NEUROD1: variants seen among roughly 807,000 people sequenced by gnomAD.
The protein encoded by NEUROD1 is neurogenic differentiation factor 1.
NEUROD1 carries 9 observed loss-of-function variants against 21.8 expected under a neutral mutation model. That is an observed-to-expected ratio of 0.41 (90% CI 0.25 to 0.72). The LOEUF is 0.72. Ranked by LOEUF, NEUROD1 falls within the 30% of genes least tolerant of loss-of-function variation. The probability of loss-of-function intolerance (pLI) is 0.31; values close to 1 mark genes in which losing one functional copy is unlikely to be tolerated. For synonymous variants in NEUROD1, 199 were observed against 186.2 expected, an observed-to-expected ratio of 1.07 and a Z score of -0.56; for missense variants, 434 against 468.8, an observed-to-expected ratio of 0.93 and a Z score of 0.69.
At chr2:181,671,871 G>A (rs1688504388), downstream of NEUROD1, among the ~76,000 whole-genome samples, 1 of 152,158 alleles carries the variant, frequency 6.6e-6, no homozygotes, top group Non-Finnish European at 1.5e-5. Context: ...GTTCTCTTAA[G>A]CATTGCAATA....
rs572569675 is a variant in NEUROD1 at position 181,678,587 on chromosome 2, T to C, written c.274A>G (p.Thr92Ala). The change falls in exon 2 of 2, where the codon ACT becomes GCT. Residue 92 changes from threonine (T) to alanine (A), a missense_variant. Thr to Ala is a moderately conservative substitution (Grantham distance 58). Coordinates refer to ENST00000295108, the MANE Select transcript of NEUROD1 (RefSeq NM_002500.5). The surrounding 1 kb of genome is among the most constrained non-coding windows in gnomAD (Gnocchi z 5.5). ...KRRGPKKKKM[T>A]KARLERFKLR... is the part of the protein sequence containing the mutation. ...TTAAAACGCTCCAGGCGAGCCTTAGTCATCTTCTTCTTTTTGGGGCCGCGT... is the reference window on the plus strand; with the variant it reads ...TTAAAACGCTCCAGGCGAGCCTTAGCCATCTTCTTCTTTTTGGGGCCGCGT... 6.2e-7 allele frequency: 1 copy of C among 1,614,054 alleles called. No homozygotes were observed. The highest frequency in any genetic ancestry group is 8.5e-7 in the Non-Finnish European group (1 of 1,179,994).
In NEUROD1 at chr2:181,677,691, T is replaced by G; in HGVS notation, c.*99A>C. The G allele has an allele frequency of 6.2e-7, 1 of 1,604,914 alleles. No homozygotes were observed. Among genetic ancestry groups the G allele is most frequent in the South Asian group, 1.1e-5 (1 of 90,136 alleles). On this transcript the variant is annotated 3_prime_UTR_variant, in exon 2 of 2. Transcript: ENST00000295108. The stretch of plus-strand genomic sequence containing the variant: ...CACTTGAAGCTTGGAGTATTTGCAC[T>G]TTGCAGCAGTAGTACCCAAAGGGCT...
chr2:181,671,035 A>ATG, exon 2 of NEUROD1, among the ~76,000 whole-genome samples: 3 of 146,712 alleles, frequency 2.0e-5, no homozygotes, highest in African/African-American at 7.3e-5. Flanking sequence ...GCACACACAC[A>ATG]CACACACACA....
chr2:181,669,657 A>G (rs1011551835), downstream of NEUROD1, among the ~76,000 whole-genome samples: 1 of 152,212 alleles, frequency 6.6e-6, no homozygotes, highest in Non-Finnish European at 1.5e-5. Context: ...AAAAAATAAA[A>G]TTTTATTCCT....
chr2:181,675,436 C>T (rs182260879), downstream of NEUROD1, among the ~76,000 whole-genome samples: 10 of 152,214 alleles, frequency 6.6e-5, no homozygotes, highest in East Asian at 1.7e-3. Flanking sequence ...CTTTCTGGAA[C>T]CCCTAAATCA....
At chr2:181,671,025 G>GCGCACA (rs1553528390) in exon 2 of NEUROD1, among the ~76,000 whole-genome samples, 12 of 146,706 alleles carry the variant, frequency 8.2e-5, no homozygotes, top group South Asian at 2.2e-4. Flanking sequence ...GCATATGTGT[G>GCGCACA]CACACACACA....
At chr2:181,679,503 T>A (rs553829052) in intron 1 of NEUROD1, among the ~76,000 whole-genome samples, 1 of 152,318 alleles carries the variant, frequency 6.6e-6, no homozygotes, top group East Asian at 1.9e-4. Flanking sequence ...GTGGACAGGG[T>A]CTTCCACCCC....
downstream of NEUROD1, among the ~76,000 whole-genome samples, chr2:181,676,282 T>C (rs1319214074): frequency 6.6e-6 from 1 of 152,212 alleles, no homozygotes; most frequent in Non-Finnish European, 1.5e-5. Context: ...GGTCTTTTCA[T>C]TATCTACATA....
chr2:181,670,711 G>T lies in NEUROD1; in HGVS notation n.3235C>A, dbSNP rs142669692. ...TGTCTCTTTCCCAGCTTCTGATGTG[G>T]GCCCCAAATCCTTGGGGCCCCTTGA... On this transcript the variant is annotated non_coding_transcript_exon_variant, in exon 2 of 2. Transcript: ENST00000496876. 9.7e-3 allele frequency among the ~76,000 whole-genome samples: 1,479 copies of T among 152,022 alleles called. 21 individuals are homozygous for T. Among genetic ancestry groups the T allele is most frequent in the African/African-American group, 0.034 (1,406 of 41,460 alleles).
In NEUROD1 at chr2:181,677,986, T is replaced by G. The variant is rs1203719590; in HGVS notation, c.875A>C (p.Glu292Ala). 1 of 1,614,054 alleles carries G rather than the reference T, an allele frequency of 6.2e-7. No individual in the cohort carries two copies. Among genetic ancestry groups the G allele is most frequent in the African/African-American group, 1.3e-5 (1 of 74,916 alleles). ...NFSFKHEPSA[E>A]FEKNYAFTMH... is the part of the protein sequence containing the mutation. The stretch of plus-strand genomic sequence containing the variant: ...GGTAAAGGCATAATTTTTCTCAAAC[T>G]CGGCGGACGGTTCGTGTTTGAAAGA... Residue 292 changes from glutamate to alanine, a missense_variant, in exon 2 of 2, where the codon GAG (glutamate) becomes GCG (alanine). Glu to Ala is a moderately radical substitution (Grantham distance 107, BLOSUM62 -1). Coordinates refer to ENST00000295108, the MANE Select transcript of NEUROD1 (RefSeq NM_002500.5).
chr2:181,679,009 G>A, intron 1 of NEUROD1, 138 bp from the exon 2 acceptor site: 1 of 1,039,926 alleles, frequency 9.6e-7, no homozygotes, highest in South Asian at 1.5e-5. Flanking sequence ...CAAAATGAAT[G>A]CCTCTGAGAA....
downstream of NEUROD1, among the ~76,000 whole-genome samples, chr2:181,675,612 G>A (rs1574086806): frequency 6.6e-6 from 1 of 151,684 alleles, no homozygotes; most frequent in East Asian, 1.9e-4. Flanking sequence ...AATCATGACT[G>A]TCAGTCAATA....
In NEUROD1 at chr2:181,676,791, T is replaced by C. The variant is rs1671589463; in HGVS notation, c.*999A>G. The C allele has an allele frequency of 6.6e-6, 1 of 152,644 alleles. No individual in the cohort carries two copies. The highest frequency in any genetic ancestry group is 6.5e-5 in the Admixed American group (1 of 15,280). 9.5% of individuals were successfully genotyped at this position (152,644 alleles called of 1,614,324 possible). A position where few individuals can be genotyped will look rare whatever the true frequency, so the allele number is the denominator to read the frequency against. On this transcript the variant is annotated 3_prime_UTR_variant, in exon 2 of 2. Transcript: ENST00000295108. ...AAACCACCATTTTTGTGACTATGTATAAAATCATGCATTTATATTTTCTGG... is the reference window on the plus strand; with the variant it reads ...AAACCACCATTTTTGTGACTATGTACAAAATCATGCATTTATATTTTCTGG...
At chr2:181,671,184 T>C (rs1178537575) in exon 2 of NEUROD1, among the ~76,000 whole-genome samples, 1 of 152,180 alleles carries the variant, frequency 6.6e-6, no homozygotes, top group Non-Finnish European at 1.5e-5. Context: ...ATTTTTAATA[T>C]GCCAGTCAGA....
At chr2:181,668,508 C>G (rs1235244623), downstream of NEUROD1, among the ~76,000 whole-genome samples, 1 of 152,102 alleles carries the variant, frequency 6.6e-6, no homozygotes, top group African/African-American at 2.4e-5. Context: ...ATTAGCCTTA[C>G]AATATTCTGC....
Position 181,678,822 on chromosome 2 carries a change from C to G in NEUROD1, c.39G>C (p.Glu13Asp), listed in dbSNP as rs756083393. 1.0e-4 allele frequency: 164 copies of G among 1,613,934 alleles called. No individual in the cohort carries two copies. The highest frequency in any genetic ancestry group is 1.3e-4 in the Non-Finnish European group (154 of 1,180,020). Reference protein sequence around the residue: ...KSYSESGLMGEPQPQGPPSWT... With the variant: ...KSYSESGLMGDPQPQGPPSWT... ...AGCTTGGAGGACCTTGGGGCTGAGG[C>G]TCGCCCATCAGCCCACTCTCGCTGT... Residue 13 changes from glutamate to aspartate, a missense_variant, in exon 2 of 2, where the codon GAG (glutamate) becomes GAC (aspartate). Glu to Asp is a conservative substitution (Grantham distance 45). Coordinates refer to ENST00000295108, the MANE Select transcript of NEUROD1 (RefSeq NM_002500.5). This position sits in a 1 kb window ranked among gnomAD's most constrained non-coding sequence, Gnocchi z 5.5.
At position 181,678,555 on chromosome 2, in the gene NEUROD1, T is replaced by C. The variant is rs979412096; in HGVS notation, c.306A>G (p.Arg102=). The stretch of plus-strand genomic sequence containing the variant: ...GCTCCCGGGCGTTAGCCTTCATGCG[T>C]CTCAATTTAAAACGCTCCAGGCGAG... The part of the protein sequence containing the change: ...TKARLERFKL[R]RMKANARERN... Residue 102 remains arginine, a synonymous_variant, in exon 2 of 2, where the codon AGA becomes AGG. Coordinates refer to ENST00000295108, the MANE Select transcript of NEUROD1 (RefSeq NM_002500.5). This position sits in a 1 kb window ranked among gnomAD's most constrained non-coding sequence, Gnocchi z 5.5. 1.9e-6 allele frequency: 3 copies of C among 1,614,040 alleles called. No homozygotes were observed. The highest frequency in any genetic ancestry group is 2.5e-6 in the Non-Finnish European group (3 of 1,180,028).
chr2:181,678,438 C>T lies in NEUROD1; in HGVS notation c.423G>A (p.Glu141=). 1 of 1,614,244 alleles carries T rather than the reference C, an allele frequency of 6.2e-7. No homozygotes were observed. Among genetic ancestry groups the T allele is most frequent in the Non-Finnish European group, 8.5e-7 (1 of 1,180,054 alleles). Residue 141 remains glutamate (E), a synonymous_variant, in exon 2 of 2, where the codon GAG becomes GAA. Coordinates refer to ENST00000295108, the MANE Select transcript of NEUROD1 (RefSeq NM_002500.5). This position sits in a 1 kb window ranked among gnomAD's most constrained non-coding sequence, Gnocchi z 5.5. Reference sequence around the variant, plus strand: ...TGTAGTTCTTGGCCAAGCGCAGAGTCTCGATTTTGGACAGCTTCTGCGTCT... The same window carrying T: ...TGTAGTTCTTGGCCAAGCGCAGAGTTTCGATTTTGGACAGCTTCTGCGTCT... ...YSKTQKLSKI[E]TLRLAKNYIW...
At position 181,678,235 on chromosome 2, in the gene NEUROD1, G is replaced by A. The variant is rs759568651; in HGVS notation, c.626C>T (p.Thr209Met). The change falls in exon 2 of 2, where the codon ACG (threonine) becomes ATG (methionine). Residue 209 changes from threonine (T) to methionine (M), a missense_variant. Physicochemically the swap from Thr to Met is moderately conservative, Grantham distance 81. Transcript: ENST00000295108. The surrounding 1 kb of genome is among the most constrained non-coding windows in gnomAD (Gnocchi z 5.5). ...QNQDMPPHLP[T>M]ASASFPVHPY... ...GTGTACAGGGAAGGAAGCGCTGGCC[G>A]TCGGCAGGTGGGGGGGCATGTCCTG... The A allele has an allele frequency of 4.3e-6, 7 of 1,614,066 alleles. No homozygotes were observed. The Admixed American group carries it at 5.0e-5, about 12-fold the overall frequency.
Sources: allele counts gnomAD v4.1 joint callset (sites outside exome capture counted in the v4.1 genomes callset), GRCh38; gene constraint gnomAD v4.1.1; non-coding constraint Gnocchi (gnomAD v3.1); transcripts MANE v1.5; gene names NCBI Gene and HGNC (gene_info 2026-07-23, HGNC 2026-07-21).